The following GPR83 variants were observed in gnomAD, a reference collection of about 807,000 sequenced individuals.
GPR83 encodes the protein G-protein coupled receptor 72.
Under a neutral mutation model 28.0 loss-of-function variants are expected in GPR83, and 23 were observed. That is an observed-to-expected ratio of 0.82 (90% CI 0.59 to 1.16). GPR83 has a LOEUF of 1.16. GPR83 is among the 50% of genes most tolerant of loss of function. The probability of loss-of-function intolerance (pLI) is 0.00; values close to 1 mark genes in which losing one functional copy is unlikely to be tolerated. For missense variants in GPR83, 610 were observed against 536.6 expected (o/e 1.14, Z -1.35); for synonymous variants, 234 against 215.4 (o/e 1.09, Z -0.76).
chr11:94,381,664 G>A (rs1406474834), intron 3 of GPR83, among the ~76,000 whole-genome samples: 1 of 151,788 alleles, frequency 6.6e-6, no homozygotes, highest in Non-Finnish European at 1.5e-5. Flanking sequence ...AACCCCCCAG[G>A]AAGAAACAGC....
chr11:94,400,025 C>T (rs1241669899), intron 1 of GPR83, among the ~76,000 whole-genome samples: 1 of 152,196 alleles, frequency 6.6e-6, no homozygotes, highest in African/African-American at 2.4e-5. Flanking sequence ...CAAACACAGC[C>T]TCATTATCAA....
rs564359665 is a variant in GPR83 at position 94,378,808 on chromosome 11, C to T, written c.*1341G>A. On this transcript the variant is annotated 3_prime_UTR_variant, in exon 4 of 4. Coordinates refer to ENST00000243673, the MANE Select transcript of GPR83 (RefSeq NM_016540.4). ...TTGTGAAAACAGAACAATGTTTCACCACCACTTGTTTTTGTGCAATTGCAG... is the reference window on the plus strand; with the variant it reads ...TTGTGAAAACAGAACAATGTTTCACTACCACTTGTTTTTGTGCAATTGCAG... 7.9e-4 allele frequency: 121 copies of T among 152,604 alleles called. No homozygotes were observed. The highest frequency in any genetic ancestry group is 2.8e-3 in the African/African-American group (115 of 41,518). 9.5% of individuals were successfully genotyped at this position (152,604 alleles called of 1,614,324 possible). A position where few individuals can be genotyped will look rare whatever the true frequency, so the allele number is the denominator to read the frequency against.
In GPR83 at chr11:94,380,776, G is replaced by T. The variant is rs1480276551; in HGVS notation, c.648-3C>A. The stretch of plus-strand genomic sequence containing the variant: ...AGAGGGAGCGCACAATGTCCTCACT[G>T]GGGGCAGGAAGTGGGGAGGGGGAGA... On this transcript the variant is annotated splice_region_variant and splice_polypyrimidine_tract_variant and intron_variant, in intron 3 of 3. Coordinates refer to ENST00000243673, the MANE Select transcript of GPR83 (RefSeq NM_016540.4). 2 of 1,603,982 alleles carry T rather than the reference G, an allele frequency of 1.2e-6. No individual in the cohort carries two copies. The highest frequency in any genetic ancestry group is 3.3e-5 in the Admixed American group (2 of 59,752).
rs1032556712 is a variant in GPR83, at chr11:94,379,391, A to G, written c.*758T>C. 6.6e-6 allele frequency: 1 copy of G among 151,806 alleles called. No homozygotes were observed. Among genetic ancestry groups the G allele is most frequent in the Non-Finnish European group, 1.5e-5 (1 of 67,970 alleles). The allele number at this position is 151,806 out of a possible 1,614,324, so 9.4% of individuals were successfully genotyped here. On this transcript the variant is annotated 3_prime_UTR_variant, in exon 4 of 4. Transcript: ENST00000243673. The stretch of plus-strand genomic sequence containing the variant: ...ATCTCAAAAAAAAAAAAAAAAAGAA[A>G]AAAAAAAGGTCATGCACACATGCAC...
rs986382609 is a variant in GPR83 at position 94,379,388 on chromosome 11, GAAAA to G, written c.*757_*760del. The G allele has an allele frequency of 7.6e-6, 1 of 130,792 alleles. No individual in the cohort carries two copies. Among genetic ancestry groups the G allele is most frequent in the African/African-American group, 2.8e-5 (1 of 35,458 alleles). 8.1% of individuals were successfully genotyped at this position (130,792 alleles called of 1,614,324 possible). On this transcript the variant is annotated 3_prime_UTR_variant, in exon 4 of 4. Transcript: ENST00000243673. ...TCCATCTCAAAAAAAAAAAAAAAAA[GAAAA>G]AAAAAAGGTCATGCACACATGCACA...
intron 3 of GPR83, among the ~76,000 whole-genome samples, chr11:94,391,353 C>G (rs1944814912): frequency 6.6e-6 from 1 of 152,122 alleles, no homozygotes; most frequent in African/African-American, 2.4e-5. Flanking sequence ...AAACTAAGAC[C>G]TAGAATCATA....
At position 94,378,897 on chromosome 11, in the gene GPR83, A is replaced by T. The variant is rs892369576; in HGVS notation, c.*1252T>A. 2.6e-5 allele frequency: 4 copies of T among 152,086 alleles called. No individual in the cohort carries two copies. The highest frequency in any genetic ancestry group is 5.9e-5 in the Non-Finnish European group (4 of 68,020). The allele number at this position is 152,086 out of a possible 1,614,324, so 9.4% of individuals were successfully genotyped here. ...CTGGTTCATCTTGAGGCTGCCTCTA[A>T]GGAGGGGCATGTGAGCCAGGCCCTT... On this transcript the variant is annotated 3_prime_UTR_variant, in exon 4 of 4. Transcript: ENST00000243673.
At chr11:94,396,017 C>T (rs1944862210) in intron 2 of GPR83, among the ~76,000 whole-genome samples, 3 of 152,148 alleles carry the variant, frequency 2.0e-5, no homozygotes, top group Admixed American at 6.5e-5. Flanking sequence ...GTCAGGAGTT[C>T]GAGACCAGCC....
chr11:94,386,873 C>G (rs1216751982), intron 3 of GPR83, among the ~76,000 whole-genome samples: 3 of 152,202 alleles, frequency 2.0e-5, no homozygotes, highest in African/African-American at 7.2e-5. Flanking sequence ...ACAGATTACA[C>G]ATTCTTCTCA....
intron 3 of GPR83, among the ~76,000 whole-genome samples, chr11:94,384,059 T>C (rs1469845600): frequency 6.6e-6 from 1 of 152,168 alleles, no homozygotes; most frequent in Admixed American, 6.5e-5. Flanking sequence ...CCAACATCCC[T>C]GAGGAACATG....
At position 94,396,517 on chromosome 11, in the gene GPR83, A is replaced by G; in HGVS notation, c.395T>C (p.Phe132Ser). The change falls in exon 2 of 4, where the codon TTT becomes TCT. Residue 132 changes from phenylalanine to serine, a missense_variant. By Grantham distance (155) the Phe-to-Ser change is radical. Coordinates refer to ENST00000243673, the MANE Select transcript of GPR83 (RefSeq NM_016540.4). ...CCCAAATATCCATGTGCTGTTCACA[A>G]AGCGAACCTGGAGATGAGCCCAAAG... ...LLNTPFTLVRFVNSTWIFGKG... is the reference protein window; with the variant it reads ...LLNTPFTLVRSVNSTWIFGKG... 6.2e-7 allele frequency: 1 copy of G among 1,613,866 alleles called. No individual in the cohort carries two copies. Among genetic ancestry groups the G allele is most frequent in the Non-Finnish European group, 8.5e-7 (1 of 1,179,728 alleles).
At position 94,401,086 on chromosome 11, in the gene GPR83, GT is replaced by G. The variant is rs1280068504; in HGVS notation, c.161del (p.Asn54ThrfsTer17). The G allele has an allele frequency of 6.2e-7, 1 of 1,614,254 alleles. No homozygotes were observed. Among genetic ancestry groups the G allele is most frequent in the South Asian group, 1.1e-5 (1 of 91,092 alleles). ...CGCCGTAGCGCCTCCTGCCCACAAA[GT>G]TCTGCCAGTCGGAGAAGGTGTAGTT... ...WNNYTFSDWQ[N>X]FVGRRRYGAE... On this transcript the variant is annotated frameshift_variant, in exon 1 of 4. Coordinates refer to ENST00000243673, the MANE Select transcript of GPR83 (RefSeq NM_016540.4). LOFTEE classifies it high-confidence loss of function.
At chr11:94,382,274 C>T (rs988356058) in intron 3 of GPR83, among the ~76,000 whole-genome samples, 2 of 136,926 alleles carry the variant, frequency 1.5e-5, no homozygotes, top group Admixed American at 8.4e-5. Context: ...ACCCAGGAGG[C>T]AGAGGTTGCG....
At chr11:94,394,948 G>A (rs1944852386) in intron 2 of GPR83, among the ~76,000 whole-genome samples, 1 of 152,172 alleles carries the variant, frequency 6.6e-6, no homozygotes, top group Non-Finnish European at 1.5e-5. Flanking sequence ...GGTAAGCATA[G>A]GCCAGGTAAA....
At position 94,401,289 on chromosome 11, in the gene GPR83, C is replaced by A. The variant is rs771208744; in HGVS notation, c.-42G>T. 6.5e-7 allele frequency: 1 copy of A among 1,532,484 alleles called. No homozygotes were observed. 94.9% of individuals were successfully genotyped at this position (1,532,484 alleles called of 1,614,324 possible). On this transcript the variant is annotated 5_prime_UTR_variant, in exon 1 of 4. Coordinates refer to ENST00000243673, the MANE Select transcript of GPR83 (RefSeq NM_016540.4). ...CTCCCCTGGGAGCCTGCGGGCCGGG[C>A]GTCCCCTCCCGCTGGGATCGGAGCG...
At position 94,401,294 on chromosome 11, in the gene GPR83, C is replaced by A; in HGVS notation, c.-47G>T. ...CTGGGAGCCTGCGGGCCGGGCGTCC[C>A]CTCCCGCTGGGATCGGAGCGCGCAG... On this transcript the variant is annotated 5_prime_UTR_variant, in exon 1 of 4. Transcript: ENST00000243673. 6.5e-7 allele frequency: 1 copy of A among 1,527,782 alleles called. No individual in the cohort carries two copies. The highest frequency in any genetic ancestry group is 1.3e-5 in the South Asian group (1 of 79,042). 94.6% of individuals were successfully genotyped at this position (1,527,782 alleles called of 1,614,324 possible).
intron 2 of GPR83, among the ~76,000 whole-genome samples, chr11:94,396,100 A>G (rs887826981): frequency 5.9e-5 from 9 of 152,154 alleles, no homozygotes; most frequent in African/African-American, 2.2e-4. Flanking sequence ...AGCACCTGTA[A>G]TCCCAGCTAC....
In GPR83 at chr11:94,378,594, TTC is replaced by T. The variant is rs1029235517; in HGVS notation, c.*1553_*1554del. On this transcript the variant is annotated 3_prime_UTR_variant, in exon 4 of 4. Transcript: ENST00000243673. ...TGAGATCTCTTAAGGATGCATAAGT[TTC>T]TGTAAGTGAAAGTTACACCTGAACC... The T allele has an allele frequency of 8.8e-4, 134 of 152,670 alleles. No homozygotes were observed. The highest frequency in any genetic ancestry group is 3.1e-3 in the African/African-American group (128 of 41,552). The allele number at this position is 152,670 out of a possible 1,614,324, so 9.5% of individuals were successfully genotyped here.
At chr11:94,388,856 A>G (rs866988822) in intron 3 of GPR83, among the ~76,000 whole-genome samples, 3,900 of 152,206 alleles carry the variant, frequency 0.026, 67 homozygotes, top group African/African-American at 0.045. Flanking sequence ...AAAAGAGCCC[A>G]CATTGCCAAG....
Sources: gnomAD v4.1 joint callset for allele counts (sites outside exome capture counted in the v4.1 genomes callset) on GRCh38, gnomAD v4.1.1 for gene constraint, MANE v1.5 for transcripts, NCBI Gene and HGNC (gene_info 2026-07-23, HGNC 2026-07-21) for gene names.